Variants in RBM20 observed in about 807,000 individuals in gnomAD.
RBM20 encodes the protein RNA binding motif protein 20.
A neutral mutation model predicts 110.1 loss-of-function variants in RBM20; 51 were observed. The observed-to-expected ratio is 0.46, with a 90% CI of 0.37 to 0.59. The LOEUF is 0.59. RBM20 is among the 20% of genes least tolerant of loss of function. RBM20 has a pLI of 0.00. For synonymous variants in RBM20, 589 were observed against 618.2 expected, an observed-to-expected ratio of 0.95 and a Z score of 0.70; for missense variants, 1,512 against 1,574.9, an observed-to-expected ratio of 0.96 and a Z score of 0.68.
At chr10:110,782,657 C>T (rs907179198) in intron 2 of RBM20, among the ~76,000 whole-genome samples, 2 of 152,220 alleles carry the variant, frequency 1.3e-5, no homozygotes, top group South Asian at 4.1e-4. Context: ...CTCCCCGCCA[C>T]CTCCCCAGCT....
chr10:110,736,736 C>T (rs1295309785), intron 1 of RBM20, among the ~76,000 whole-genome samples: 1 of 152,108 alleles, frequency 6.6e-6, no homozygotes, highest in South Asian at 2.1e-4. Flanking sequence ...TTTCAGTAAG[C>T]TCTTCATTGA....
intron 1 of RBM20, among the ~76,000 whole-genome samples, chr10:110,724,649 C>A (rs900699144): frequency 3.9e-5 from 6 of 152,100 alleles, no homozygotes; most frequent in African/African-American, 1.4e-4. Flanking sequence ...ATATCGTTGC[C>A]CTGGTGGAGG....
intron 1 of RBM20, among the ~76,000 whole-genome samples, chr10:110,714,713 C>T (rs1168501580): frequency 2.0e-5 from 3 of 152,182 alleles, no homozygotes; most frequent in African/African-American, 7.2e-5. Flanking sequence ...GCAGTCCTTC[C>T]TGGTTGTCCT....
At chr10:110,742,417 G>C (rs1336801464) in intron 1 of RBM20, among the ~76,000 whole-genome samples, 1 of 152,192 alleles carries the variant, frequency 6.6e-6, no homozygotes, top group African/African-American at 2.4e-5. Flanking sequence ...ACTTGGACTT[G>C]GACAGTTTTG....
At chr10:110,771,734 G>T (rs901276720) in intron 1 of RBM20, among the ~76,000 whole-genome samples, 3 of 152,190 alleles carry the variant, frequency 2.0e-5, no homozygotes, top group Non-Finnish European at 4.4e-5. Flanking sequence ...AAGTATGGTA[G>T]ATATCTAGGT....
At chr10:110,754,528 A>T (rs1005868165) in intron 1 of RBM20, among the ~76,000 whole-genome samples, 2 of 152,084 alleles carry the variant, frequency 1.3e-5, no homozygotes, top group African/African-American at 4.8e-5. Context: ...TGTGCTTTCC[A>T]TATTTTTGCT....
rs181941536 is a variant in RBM20, at chr10:110,689,501, G to T, written c.191+44856G>T. ...TCTATTGGCCGGAGCTCAGGGGCAG[G>T]TGCCTGCTTTTGATGGGAGAAAATA... On this transcript the variant is annotated intron_variant, in intron 1 of 13. Transcript: ENST00000369519. Among the ~76,000 whole-genome samples the T allele has an allele frequency of 3.0e-4, 45 of 152,346 alleles. 1 individual carries two copies. Among genetic ancestry groups the T allele is most frequent in the African/African-American group, 7.9e-4 (33 of 41,578 alleles).
At chr10:110,652,119 A>G in intron 1 of RBM20, among the ~76,000 whole-genome samples, 1 of 152,228 alleles carries the variant, frequency 6.6e-6, no homozygotes, top group Admixed American at 6.5e-5. Context: ...TGTAGGTATA[A>G]GGTCATGTAC....
intron 1 of RBM20, among the ~76,000 whole-genome samples, chr10:110,773,879 C>A (rs1166330312): frequency 3.9e-5 from 6 of 152,120 alleles, no homozygotes; most frequent in Admixed American, 3.9e-4. Context: ...ACGTACGGAG[C>A]ACAGTGGACT....
At chr10:110,803,436 T>C (rs1042436852) in intron 7 of RBM20, among the ~76,000 whole-genome samples, 4 of 152,232 alleles carry the variant, frequency 2.6e-5, no homozygotes, top group Non-Finnish European at 4.4e-5. Context: ...CAAGCTTCAG[T>C]GTGCATACAG....
At chr10:110,766,820 C>T (rs1448419326) in intron 1 of RBM20, among the ~76,000 whole-genome samples, 23 of 151,124 alleles carry the variant, frequency 1.5e-4, no homozygotes, top group Admixed American at 1.5e-3. Flanking sequence ...CATCATGGCC[C>T]GTTCTCAATG....
chr10:110,786,082 C>T (rs990933443), intron 5 of RBM20, among the ~76,000 whole-genome samples: 6 of 152,200 alleles, frequency 3.9e-5, no homozygotes, highest in Non-Finnish European at 7.3e-5. Flanking sequence ...GGTGACAGCT[C>T]CTCTTCTCTC....
intron 12 of RBM20, among the ~76,000 whole-genome samples, chr10:110,829,497 C>A (rs1484363995): frequency 6.6e-6 from 1 of 152,210 alleles, no homozygotes; most frequent in East Asian, 1.9e-4. Context: ...GAGGAGGACG[C>A]CTCAGGCCCC....
intron 1 of RBM20, among the ~76,000 whole-genome samples, chr10:110,749,937 G>T (rs1051039446): frequency 6.6e-6 from 1 of 152,028 alleles, no homozygotes; most frequent in African/African-American, 2.4e-5. Flanking sequence ...AGGTTAAAAA[G>T]AATTCCTTAG....
At chr10:110,698,783 T>C (rs921978188) in intron 1 of RBM20, among the ~76,000 whole-genome samples, 3 of 152,186 alleles carry the variant, frequency 2.0e-5, no homozygotes, top group Admixed American at 6.5e-5. Flanking sequence ...CCCCGCACCA[T>C]GTGACACTGC....
chr10:110,802,144 C>G (rs999247003), intron 7 of RBM20, among the ~76,000 whole-genome samples: 1 of 152,224 alleles, frequency 6.6e-6, no homozygotes, highest in Non-Finnish European at 1.5e-5. Context: ...CACTTTAGCT[C>G]ATTCCACATT....
intron 1 of RBM20, among the ~76,000 whole-genome samples, chr10:110,762,635 A>G (rs2135004543): frequency 6.6e-6 from 1 of 152,332 alleles, no homozygotes; most frequent in African/African-American, 2.4e-5. Flanking sequence ...ACCAGGTGAC[A>G]CGTGGCTCCT....
rs565215341 is a variant in RBM20, at chr10:110,691,551, G to A, written c.191+46906G>A. ...CCAATGAGGTTGAGCATCTTTTCAT[G>A]TGCTTATTGGACACTTGTATATCTT... On this transcript the variant is annotated intron_variant, in intron 1 of 13. Coordinates refer to ENST00000369519, the MANE Select transcript of RBM20 (RefSeq NM_001134363.3). Among the ~76,000 whole-genome samples, 10 of 152,286 alleles carry A rather than the reference G, an allele frequency of 6.6e-5. No homozygotes were observed. The South Asian group carries it at 2.1e-3, about 32-fold the overall frequency.
At chr10:110,703,407 G>T (rs1471718714) in intron 1 of RBM20, among the ~76,000 whole-genome samples, 2 of 151,186 alleles carry the variant, frequency 1.3e-5, no homozygotes, top group African/African-American at 4.9e-5. Context: ...AAGAAAGAAA[G>T]AATTTAGAAT....
Sources: gnomAD v4.1 joint callset for allele counts (sites outside exome capture counted in the v4.1 genomes callset) on GRCh38, gnomAD v4.1.1 for gene constraint, MANE v1.5 for transcripts, NCBI Gene and HGNC (gene_info 2026-07-23, HGNC 2026-07-21) for gene names.